Variants in DPEP1 observed in about 807,000 individuals in gnomAD.
DPEP1 encodes dipeptidase 1, also known as beta-lactamase.
In DPEP1, 50 loss-of-function variants were observed where a neutral mutation model predicts 42.3. The observed-to-expected ratio is 1.18, with a 90% CI of 0.94 to 1.50. The LOEUF (loss-of-function observed/expected upper bound fraction) is 1.50. Ranked by LOEUF, DPEP1 falls within the 40% of genes most tolerant of loss-of-function variation. The pLI is 0.00. For synonymous variants in DPEP1, 297 were observed against 234.0 expected (o/e 1.27, Z -2.46); for missense variants, 663 against 553.0 (o/e 1.20, Z -1.99).
chr16:89,635,283 C>G (rs763349017), intron 2 of DPEP1, among the ~76,000 whole-genome samples: 4 of 152,022 alleles, frequency 2.6e-5, no homozygotes, highest in African/African-American at 9.7e-5. Flanking sequence ...CCTGGGAAAA[C>G]CTTGGAGAAC....
rs1035227514 is a variant in DPEP1 at position 89,624,330 on chromosome 16, C to T, written c.-106-5975C>T. The stretch of plus-strand genomic sequence containing the variant: ...GAGGACCCCAGGGAACCTCTCATCA[C>T]GGCAGAAGGGGAGGGAGCAGGTGTC... On this transcript the variant is annotated intron_variant, in intron 1 of 10. Coordinates refer to ENST00000690203, the MANE Select transcript of DPEP1 (RefSeq NM_001389466.1). Among the ~76,000 whole-genome samples the T allele has an allele frequency of 2.6e-5, 4 of 152,120 alleles. No individual in the cohort carries two copies. In the East Asian group the frequency reaches 5.8e-4, roughly 22 times the overall value.
chr16:89,639,347 T>A (rs1597779887), downstream of DPEP1, among the ~76,000 whole-genome samples: 1 of 6,310 alleles, frequency 1.6e-4, no homozygotes, highest in African/African-American at 8.2e-4. Flanking sequence ...ACCCCACCCC[T>A]GCACACACCT....
At chr16:89,628,509 C>T (rs1161491274) in intron 1 of DPEP1, among the ~76,000 whole-genome samples, 1 of 152,068 alleles carries the variant, frequency 6.6e-6, no homozygotes, top group Admixed American at 6.6e-5. Flanking sequence ...CCGCCCGCCT[C>T]AGCCTCCCAC....
chr16:89,631,981 G>A (rs1458676367), intron 2 of DPEP1, among the ~76,000 whole-genome samples: 1 of 152,158 alleles, frequency 6.6e-6, no homozygotes, highest in Non-Finnish European at 1.5e-5. Flanking sequence ...TGGCCAGCAG[G>A]GAGGAGGGAG....
chr16:89,621,341 C>T (rs1195600843), intron 1 of DPEP1, among the ~76,000 whole-genome samples: 1 of 151,710 alleles, frequency 6.6e-6, no homozygotes, highest in Admixed American at 6.6e-5. Flanking sequence ...AAGCCACCAG[C>T]CTCAGGGTGG....
Position 89,634,544 on chromosome 16 carries a change from TC to T in DPEP1, c.105-1360del, listed in dbSNP as rs201452164. 2.0e-3 allele frequency among the ~76,000 whole-genome samples: 102 copies of T among 50,268 alleles called. 8 individuals are homozygous for T. Among genetic ancestry groups the T allele is most frequent in the African/African-American group, 8.2e-3 (90 of 11,004 alleles). The allele number at this position is 50,268 out of a possible 152,430, so 33.0% of individuals were successfully genotyped here. On this transcript the variant is annotated intron_variant, in intron 2 of 10. Transcript: ENST00000690203. ...CTCTGCGTTCCCCTTCCTTCTCCTTTCCCCTTCCTTCTCCTTTCCCTTCCTT... is the reference window on the plus strand; with the variant it reads ...CTCTGCGTTCCCCTTCCTTCTCCTTTCCCTTCCTTCTCCTTTCCCTTCCTT...
At chr16:89,638,547 C>G, downstream of DPEP1, 1 of 1,106,842 alleles carries the variant, frequency 9.0e-7, no homozygotes, top group Non-Finnish European at 1.1e-6. Flanking sequence ...TCGGTCCAGG[C>G]CAGAAGGGCT....
chr16:89,627,874 G>T (rs2059536497), intron 1 of DPEP1, among the ~76,000 whole-genome samples: 1 of 151,500 alleles, frequency 6.6e-6, no homozygotes, highest in South Asian at 2.1e-4. Context: ...TGGTCAGGCT[G>T]GTCTCAAACT....
At chr16:89,618,327 C>T (rs1399804202) in intron 1 of DPEP1, among the ~76,000 whole-genome samples, 1 of 152,144 alleles carries the variant, frequency 6.6e-6, no homozygotes, top group Non-Finnish European at 1.5e-5. Context: ...AGCCATCTTC[C>T]TGCCTCGGTC....
chr16:89,634,343 T>C (rs1187351083), intron 2 of DPEP1, among the ~76,000 whole-genome samples: 1 of 152,086 alleles, frequency 6.6e-6, no homozygotes. Flanking sequence ...CACCTCGGCC[T>C]CCCAAAGTGC....
chr16:89,615,194 G>A (rs2059369540), intron 1 of DPEP1, among the ~76,000 whole-genome samples: 1 of 152,208 alleles, frequency 6.6e-6, no homozygotes, highest in African/African-American at 2.4e-5. Flanking sequence ...AGCAGACGGG[G>A]AGGGTCCCTC....
At chr16:89,626,141 G>A (rs566938601) in intron 1 of DPEP1, among the ~76,000 whole-genome samples, 5 of 152,280 alleles carry the variant, frequency 3.3e-5, no homozygotes, top group Admixed American at 6.5e-5. Context: ...TAAGGGTGCC[G>A]CATTTTCATG....
chr16:89,614,294 C>T (rs1248076644), intron 1 of DPEP1, among the ~76,000 whole-genome samples: 6 of 152,152 alleles, frequency 3.9e-5, no homozygotes, highest in African/African-American at 7.2e-5. Context: ...GCGCCCAGTG[C>T]GGTCCTAGGC....
chr16:89,616,503 C>G (rs1475724382), intron 1 of DPEP1, among the ~76,000 whole-genome samples: 3 of 152,110 alleles, frequency 2.0e-5, no homozygotes, highest in Non-Finnish European at 4.4e-5. Flanking sequence ...TGGTGAAGAC[C>G]CAGCGTGTAT....
chr16:89,638,510 G>A, downstream of DPEP1: 2 of 1,238,256 alleles, frequency 1.6e-6, no homozygotes, highest in Non-Finnish European at 2.0e-6. Flanking sequence ...TGGACGTGGG[G>A]CACTCCTGTG....
intron 1 of DPEP1, among the ~76,000 whole-genome samples, chr16:89,617,566 G>A (rs1034114923): frequency 2.0e-5 from 3 of 152,210 alleles, no homozygotes; most frequent in African/African-American, 4.8e-5. Flanking sequence ...GCTGGAAGGC[G>A]GCCGGGCGCG....
In DPEP1 at chr16:89,616,942, G is replaced by A. The variant is rs183187474; in HGVS notation, c.-107+3223G>A. Reference sequence around the variant, plus strand: ...AGGAAGCGGGCAGGTTTTACCGAGCGGCGTGACGGCTCCAGAGGGGATGAT... The same window carrying A: ...AGGAAGCGGGCAGGTTTTACCGAGCAGCGTGACGGCTCCAGAGGGGATGAT... On this transcript the variant is annotated intron_variant, in intron 1 of 10. Coordinates refer to ENST00000690203, the MANE Select transcript of DPEP1 (RefSeq NM_001389466.1). 1.3e-3 allele frequency: 303 copies of A among 233,612 alleles called. 1 individual carries two copies. The highest frequency in any genetic ancestry group is 6.9e-3 in the African/African-American group (290 of 42,296). 14.5% of individuals were successfully genotyped at this position (233,612 alleles called of 1,614,324 possible).
intron 1 of DPEP1, among the ~76,000 whole-genome samples, chr16:89,628,250 T>TTC (rs1336014470): frequency 1.4e-5 from 1 of 71,848 alleles, no homozygotes; most frequent in African/African-American, 6.2e-5. Context: ...TTTCTTTCTT[T>TTC]TCTTTCTTTT....
chr16:89,635,664 T>C (rs1172613980), intron 2 of DPEP1, among the ~76,000 whole-genome samples: 2 of 152,212 alleles, frequency 1.3e-5, no homozygotes, highest in Non-Finnish European at 2.9e-5. Flanking sequence ...AGGGATGGGC[T>C]ACCCAGCTCC....
Sources: allele counts gnomAD v4.1 joint callset (sites outside exome capture counted in the v4.1 genomes callset), GRCh38; gene constraint gnomAD v4.1.1; transcripts MANE v1.5; gene names NCBI Gene and HGNC (gene_info 2026-07-23, HGNC 2026-07-21).